TMEM117: variants seen among roughly 807,000 people sequenced by gnomAD.
TMEM117 encodes the protein transmembrane protein 117.
In TMEM117, 27 loss-of-function variants were observed where a neutral mutation model predicts 52.4. That is an observed-to-expected ratio of 0.51 (90% CI 0.38 to 0.71). TMEM117 has a LOEUF of 0.71. Ranked by LOEUF, TMEM117 falls within the 30% of genes least tolerant of loss-of-function variation. TMEM117 has a pLI of 0.00. For missense variants in TMEM117, 556 were observed against 630.5 expected (o/e 0.88, Z 1.26); for synonymous variants, 215 against 206.3 (o/e 1.04, Z -0.36).
intron 3 of TMEM117, among the ~76,000 whole-genome samples, chr12:44,121,625 G>A (rs992785822): frequency 9.2e-5 from 14 of 151,886 alleles, no homozygotes; most frequent in African/African-American, 2.4e-4. Context: ...TTATGTTATC[G>A]GTTTGGCTTC....
chr12:43,816,642 C>T, the TMEM117 span, among the ~76,000 whole-genome samples: 1 of 152,162 alleles, frequency 6.6e-6, no homozygotes, highest in South Asian at 2.1e-4. Context: ...AAACTAGCTG[C>T]AAAGAAAGAA....
At chr12:44,123,541 A>G (rs2138145615) in intron 3 of TMEM117, among the ~76,000 whole-genome samples, 1 of 152,198 alleles carries the variant, frequency 6.6e-6, no homozygotes, top group South Asian at 2.1e-4. Context: ...TGGGTTTTAC[A>G]TTTAAGTCTT....
intron 3 of TMEM117, among the ~76,000 whole-genome samples, chr12:44,040,736 A>G (rs115920464): frequency 0.011 from 1,720 of 152,288 alleles, 31 homozygotes; most frequent in African/African-American, 0.039. Flanking sequence ...GAGTGCTTTA[A>G]GATTTTATGT....
intron 4 of TMEM117, among the ~76,000 whole-genome samples, chr12:44,170,580 T>C (rs1241330081): frequency 6.6e-6 from 1 of 152,226 alleles, no homozygotes; most frequent in Admixed American, 6.5e-5. Context: ...TGAACTTTTT[T>C]AAAGCCTGCA....
At chr12:44,291,617 C>T (rs1302013645) in intron 5 of TMEM117, among the ~76,000 whole-genome samples, 6 of 151,680 alleles carry the variant, frequency 4.0e-5, no homozygotes, top group Admixed American at 6.6e-5. Context: ...TTAAGTACAA[C>T]GTTGGTTGAG....
chr12:44,313,982 A>T (rs887092339), intron 6 of TMEM117, among the ~76,000 whole-genome samples: 22 of 152,268 alleles, frequency 1.4e-4, no homozygotes, highest in Admixed American at 1.4e-3. Flanking sequence ...AAAGTTGTTT[A>T]TCTGGTCTAG....
chr12:44,356,773 A>G (rs375017800), intron 6 of TMEM117, among the ~76,000 whole-genome samples: 17 of 151,998 alleles, frequency 1.1e-4, no homozygotes, highest in Non-Finnish European at 1.8e-4. Flanking sequence ...TCTCACTCCT[A>G]TCTTTCTACC....
At chr12:43,923,146 T>G (rs1944723309) in intron 2 of TMEM117, among the ~76,000 whole-genome samples, 1 of 152,188 alleles carries the variant, frequency 6.6e-6, no homozygotes, top group Non-Finnish European at 1.5e-5. Flanking sequence ...GATATGTTGC[T>G]TCTCCCCTGG....
chr12:44,289,877 G>A (rs910701055), intron 5 of TMEM117, among the ~76,000 whole-genome samples: 2 of 151,946 alleles, frequency 1.3e-5, no homozygotes, highest in African/African-American at 2.4e-5. Context: ...ACCAACACTT[G>A]TTATCCCTTG....
At chr12:44,137,146 T>A (rs1372485695) in intron 3 of TMEM117, among the ~76,000 whole-genome samples, 6 of 150,984 alleles carry the variant, frequency 4.0e-5, no homozygotes, top group Admixed American at 4.0e-4. Context: ...GAAGCAAATC[T>A]TATGGGAGAG....
rs1322110284 is a variant in TMEM117, at chr12:44,173,136, T to A, written c.510+29512T>A. Reference sequence around the variant, plus strand: ...TGTCACCCAGGTTGGAGTGCAGTGGTGAAATCTTGATTCACTGCAACCTCT... The same window carrying A: ...TGTCACCCAGGTTGGAGTGCAGTGGAGAAATCTTGATTCACTGCAACCTCT... On this transcript the variant is annotated intron_variant, in intron 4 of 7. Transcript: ENST00000266534. Among the ~76,000 whole-genome samples the A allele has an allele frequency of 2.0e-5, 3 of 152,238 alleles. No individual in the cohort carries two copies. In the East Asian group the frequency reaches 5.8e-4, roughly 29 times the overall value.
chr12:44,097,865 T>A, intron 3 of TMEM117, among the ~76,000 whole-genome samples: 1 of 151,194 alleles, frequency 6.6e-6, no homozygotes, highest in Non-Finnish European at 1.5e-5. Context: ...ATAATAATAA[T>A]AAAATAAAAT....
At chr12:43,911,974 T>G (rs1489519272) in intron 2 of TMEM117, among the ~76,000 whole-genome samples, 1 of 87,112 alleles carries the variant, frequency 1.1e-5, no homozygotes, top group Non-Finnish European at 2.7e-5. Context: ...AAATACCATT[T>G]GACCCAGCCA....
intron 2 of TMEM117, among the ~76,000 whole-genome samples, chr12:43,910,911 C>G (rs898109857): frequency 3.8e-5 from 3 of 79,596 alleles, no homozygotes; most frequent in African/African-American, 1.1e-4. Context: ...GTGAAAATGG[C>G]CATACTGCCC....
rs565887748 is a variant in TMEM117, at chr12:44,208,844, T to C, written c.511-2446T>C. 1.2e-3 allele frequency among the ~76,000 whole-genome samples: 186 copies of C among 151,230 alleles called. 1 individual carries two copies. The highest frequency in any genetic ancestry group is 4.2e-3 in the African/African-American group (173 of 41,118). ...AGTAATTGGTCATACAGCAGCAGAT[T>C]GTCTCCTTCTAGAAAATATAATAAG... On this transcript the variant is annotated intron_variant, in intron 4 of 7. Coordinates refer to ENST00000266534, the MANE Select transcript of TMEM117 (RefSeq NM_032256.3).
the TMEM117 span, among the ~76,000 whole-genome samples, chr12:43,807,965 C>A: frequency 6.6e-6 from 1 of 152,188 alleles, no homozygotes; most frequent in South Asian, 2.1e-4. Context: ...ATATAATAGA[C>A]TTATTTTGAG....
chr12:43,981,698 G>C (rs78214103), intron 3 of TMEM117, among the ~76,000 whole-genome samples: 1,590 of 152,222 alleles, frequency 0.01, 25 homozygotes, highest in East Asian at 0.035. Context: ...ATAGAGCAAA[G>C]TATTGCCTCA....
At chr12:44,192,097 C>T (rs997198011) in intron 4 of TMEM117, among the ~76,000 whole-genome samples, 10 of 152,184 alleles carry the variant, frequency 6.6e-5, no homozygotes, top group Non-Finnish European at 1.0e-4. Flanking sequence ...TTATAAGCTT[C>T]CCTCTAGTGA....
chr12:43,998,190 G>A lies in TMEM117; in HGVS notation c.410+53848G>A, dbSNP rs78521444. Among the ~76,000 whole-genome samples, 1,484 of 152,314 alleles carry A rather than the reference G, an allele frequency of 9.7e-3. 23 individuals are homozygous for A. The highest frequency in any genetic ancestry group is 0.036 in the East Asian group (189 of 5,188). On this transcript the variant is annotated intron_variant, in intron 3 of 7. Coordinates refer to ENST00000266534, the MANE Select transcript of TMEM117 (RefSeq NM_032256.3). ...TGTAGATAGGATAGTGGTTCTGCCT[G>A]CAAGCACAGGACTTAAATTACTGCT... is the stretch of plus-strand genomic sequence containing the variant.
Sources: gnomAD v4.1 joint callset for allele counts (sites outside exome capture counted in the v4.1 genomes callset) on GRCh38, gnomAD v4.1.1 for gene constraint, MANE v1.5 for transcripts, NCBI Gene and HGNC (gene_info 2026-07-23, HGNC 2026-07-21) for gene names.